Variants in XKR4 observed in about 807,000 individuals in gnomAD.
XKR4 encodes the protein XK related 4, also known as XK-related protein 4.
Under a neutral mutation model 53.9 loss-of-function variants are expected in XKR4, and 12 were observed. That is an observed-to-expected ratio of 0.22 (90% CI 0.14 to 0.36). The LOEUF is 0.36. Ranked by LOEUF, XKR4 falls within the 10% of genes least tolerant of loss-of-function variation. XKR4 has a pLI of 1.00. For missense variants in XKR4, 799 were observed against 859.5 expected (o/e 0.93, Z 0.88); for synonymous variants, 354 against 362.4 (o/e 0.98, Z 0.26).
intron 1 of XKR4, among the ~76,000 whole-genome samples, chr8:55,193,186 A>G (rs950386397): frequency 4.6e-5 from 7 of 152,248 alleles, no homozygotes; most frequent in African/African-American, 1.4e-4. Flanking sequence ...TTGCCTGAGA[A>G]GAATGATTTG....
chr8:55,425,664 G>T (rs1293905287), intron 2 of XKR4, among the ~76,000 whole-genome samples: 1 of 152,098 alleles, frequency 6.6e-6, no homozygotes, highest in Non-Finnish European at 1.5e-5. Flanking sequence ...TGAGAAACCT[G>T]GGTGGTCCCA....
At chr8:55,296,654 G>T (rs1367503926) in intron 1 of XKR4, among the ~76,000 whole-genome samples, 1 of 152,040 alleles carries the variant, frequency 6.6e-6, no homozygotes, top group Non-Finnish European at 1.5e-5. Context: ...TAAGTAAAAA[G>T]GTCATAGTTG....
rs77060522 is a variant in XKR4, at chr8:55,224,726, T to C, written c.806+121432T>C. Among the ~76,000 whole-genome samples, 34 of 152,334 alleles carry C rather than the reference T, an allele frequency of 2.2e-4. No homozygotes were observed. The East Asian group carries it at 6.5e-3, about 29-fold the overall frequency. ...GAGAGATGTGTTATGTAGAACTTCC[T>C]AAACTCATTTAACTTTACATTCTTT... On this transcript the variant is annotated intron_variant, in intron 1 of 2. Transcript: ENST00000327381.
At chr8:55,455,044 C>T (rs1484793754) in intron 2 of XKR4, 28 of 733,878 alleles carry the variant, frequency 3.8e-5, no homozygotes, top group African/African-American at 3.2e-4. Flanking sequence ...AGTCCTTCTC[C>T]GGGAAGAACT....
intron 1 of XKR4, among the ~76,000 whole-genome samples, chr8:55,267,362 C>T (rs1818622499): frequency 6.6e-6 from 1 of 152,140 alleles, no homozygotes; most frequent in Non-Finnish European, 1.5e-5. Flanking sequence ...ATAATGTAAA[C>T]TGCTTTTTCC....
intron 2 of XKR4, among the ~76,000 whole-genome samples, chr8:55,476,574 A>T (rs200410693): frequency 6.8e-6 from 1 of 147,578 alleles, no homozygotes; most frequent in African/African-American, 2.5e-5. Flanking sequence ...CACACTGAGC[A>T]AGCTGAAGCA....
In XKR4 at chr8:55,391,396, T is replaced by C. The variant is rs193295704; in HGVS notation, c.1006+33519T>C. On this transcript the variant is annotated intron_variant, in intron 2 of 2. Coordinates refer to ENST00000327381, the MANE Select transcript of XKR4 (RefSeq NM_052898.2). ...AAGGAACTAGTTGAATAAATTCTTATATAGCTACACAGTGGAGCATAATGT... is the reference window on the plus strand; with the variant it reads ...AAGGAACTAGTTGAATAAATTCTTACATAGCTACACAGTGGAGCATAATGT... 3.9e-3 allele frequency among the ~76,000 whole-genome samples: 601 copies of C among 152,280 alleles called. 6 individuals carry two copies. Among genetic ancestry groups the C allele is most frequent in the African/African-American group, 0.014 (579 of 41,562 alleles).
chr8:55,283,466 T>C (rs1818867622), intron 1 of XKR4, among the ~76,000 whole-genome samples: 1 of 152,240 alleles, frequency 6.6e-6, no homozygotes, highest in South Asian at 2.1e-4. Context: ...GTGATGTAGA[T>C]GACAAATTCC....
rs112223307 is a variant in XKR4 at position 55,357,975 on chromosome 8, G to A, written c.1006+98G>A. On this transcript the variant is annotated intron_variant, in intron 2 of 2. Coordinates refer to ENST00000327381, the MANE Select transcript of XKR4 (RefSeq NM_052898.2). The stretch of plus-strand genomic sequence containing the variant: ...TGTCCTAATGCCCTTTGTTGACACA[G>A]GCCTGTGATGTGTCTGCTGTTTTAC... 2.5e-6 allele frequency: 3 copies of A among 1,178,006 alleles called. No homozygotes were observed. The African/African-American group carries it at 4.6e-5, about 18-fold the overall frequency. The allele number at this position is 1,178,006 out of a possible 1,614,324, so 73.0% of individuals were successfully genotyped here.
intron 1 of XKR4, among the ~76,000 whole-genome samples, chr8:55,352,105 T>C (rs533734156): frequency 7.2e-5 from 11 of 152,344 alleles, no homozygotes; most frequent in African/African-American, 2.6e-4. Flanking sequence ...GATGAATACA[T>C]ACAAAAATAA....
Position 55,102,728 on chromosome 8 carries a change from C to A in XKR4, c.240C>A (p.Ser80=). The A allele has an allele frequency of 1.7e-6, 2 of 1,173,550 alleles. No homozygotes were observed. Among genetic ancestry groups the A allele is most frequent in the Non-Finnish European group, 2.1e-6 (2 of 950,398 alleles). 72.7% of individuals were successfully genotyped at this position (1,173,550 alleles called of 1,614,324 possible). The change falls in exon 1 of 3, where the codon TCC becomes TCA. Residue 80 remains serine, a synonymous_variant. Coordinates refer to ENST00000327381, the MANE Select transcript of XKR4 (RefSeq NM_052898.2). This position sits in a 1 kb window ranked among gnomAD's most constrained non-coding sequence, Gnocchi z 5.1. ...GSGGSAGSGG[S]GGVAGPGGGG... ...GCGGCTCCGCGGGCTCGGGCGGCTC[C>A]GGCGGCGTCGCCGGCCCGGGCGGCG...
chr8:55,180,641 C>A (rs528916144), intron 1 of XKR4, among the ~76,000 whole-genome samples: 2 of 152,158 alleles, frequency 1.3e-5, no homozygotes, highest in African/African-American at 4.8e-5. Context: ...AAATGATTCT[C>A]CTGCCTCAGC....
At position 55,527,821 on chromosome 8, in the gene XKR4, G is replaced by A. The variant is rs1354086468; in HGVS notation, c.*3594G>A. The A allele has an allele frequency of 6.6e-6, 1 of 152,158 alleles. No homozygotes were observed. Among genetic ancestry groups the A allele is most frequent in the African/African-American group, 2.4e-5 (1 of 41,438 alleles). 9.4% of individuals were successfully genotyped at this position (152,158 alleles called of 1,614,324 possible). A position where few individuals can be genotyped will look rare whatever the true frequency, so the allele number is the denominator to read the frequency against. On this transcript the variant is annotated 3_prime_UTR_variant, in exon 3 of 3. Transcript: ENST00000327381. ...TAAAAGTAAAATGAAGTATTTTATG[G>A]TTAATTTCTAAATGCCCAATTTATT...
At chr8:55,135,774 C>A in intron 1 of XKR4, 1 of 331,526 alleles carries the variant, frequency 3.0e-6, no homozygotes, top group Non-Finnish European at 6.5e-6. Flanking sequence ...GCACTCACAC[C>A]CTTCCTGCAT....
intron 1 of XKR4, among the ~76,000 whole-genome samples, chr8:55,230,360 A>T: frequency 1.2e-5 from 1 of 80,436 alleles, no homozygotes. Context: ...TTAGAAAGAG[A>T]CACTTTTTTT....
intron 1 of XKR4, among the ~76,000 whole-genome samples, chr8:55,170,138 A>G (rs2129358336): frequency 2.0e-5 from 3 of 152,322 alleles, no homozygotes; most frequent in Admixed American, 2.0e-4. Context: ...CTTTTGGATT[A>G]TGCATGATGA....
At chr8:55,229,868 C>CA (rs1199778071) in intron 1 of XKR4, among the ~76,000 whole-genome samples, 1 of 140,320 alleles carries the variant, frequency 7.1e-6, no homozygotes, top group Non-Finnish European at 1.6e-5. Flanking sequence ...AGTTAATTAG[C>CA]TTTTTTTTTT....
At chr8:55,221,934 G>A (rs186786403) in intron 1 of XKR4, among the ~76,000 whole-genome samples, 1 of 152,310 alleles carries the variant, frequency 6.6e-6, no homozygotes, top group East Asian at 1.9e-4. Flanking sequence ...ACTAGACACA[G>A]AGTAGATTCT....
chr8:55,294,161 C>T (rs1819067232), intron 1 of XKR4, among the ~76,000 whole-genome samples: 1 of 152,154 alleles, frequency 6.6e-6, no homozygotes, highest in South Asian at 2.1e-4. Context: ...TGTCTCCTAC[C>T]TCACGATTTG....
Sources: gnomAD v4.1 joint callset for allele counts (sites outside exome capture counted in the v4.1 genomes callset) on GRCh38, gnomAD v4.1.1 for gene constraint, Gnocchi (gnomAD v3.1) non-coding constraint, MANE v1.5 for transcripts, NCBI Gene and HGNC (gene_info 2026-07-23, HGNC 2026-07-21) for gene names.